The following FBXO11 variants were observed in gnomAD, a reference collection of about 807,000 sequenced individuals.
FBXO11 encodes the protein F-box only protein 11.
A neutral mutation model predicts 117.0 loss-of-function variants in FBXO11; 13 were observed. That is an observed-to-expected ratio of 0.11 (90% CI 0.07 to 0.18). The LOEUF is 0.18. Among genes scored for constraint, FBXO11 ranks in the 10% least tolerant of loss-of-function variants. The pLI, the probability that FBXO11 is intolerant of heterozygous loss-of-function variation, is 1.00. For missense variants in FBXO11, 767 were observed against 1,164.4 expected (o/e 0.66, Z 4.97); for synonymous variants, 490 against 380.5 (o/e 1.29, Z -3.35).
At chr2:47,874,867 CTT>C (rs377037169) in intron 1 of FBXO11, among the ~76,000 whole-genome samples, 31 of 128,846 alleles carry the variant, frequency 2.4e-4, no homozygotes, top group Middle Eastern at 4.1e-3. Context: ...TGTCTCAGGA[CTT>C]TTTTTTTTTT....
At chr2:47,814,953 G>A (rs986894365) in intron 16 of FBXO11, among the ~76,000 whole-genome samples, 3 of 152,134 alleles carry the variant, frequency 2.0e-5, no homozygotes, top group South Asian at 2.1e-4. Flanking sequence ...TTGCTCATCC[G>A]TAAGAAGCAA....
chr2:47,869,575 G>A (rs907860874), intron 1 of FBXO11, among the ~76,000 whole-genome samples: 7 of 152,226 alleles, frequency 4.6e-5, no homozygotes, highest in African/African-American at 1.7e-4. Context: ...CATCAGGAAT[G>A]AAGGTTTGGG....
intron 18 of FBXO11, chr2:47,811,672 C>T (rs1192759192): frequency 6.6e-6 from 1 of 152,204 alleles, no homozygotes; most frequent in Non-Finnish European, 1.5e-5. Flanking sequence ...ATATAACTTA[C>T]CTCAGTGAAA....
Position 47,818,445 on chromosome 2 carries a change from G to A in FBXO11, c.2006+334C>T, listed in dbSNP as rs1046887665. 23 of 208,390 alleles carry A rather than the reference G, an allele frequency of 1.1e-4. No homozygotes were observed. The Admixed American group carries it at 1.3e-3, about 11-fold the overall frequency. The allele number at this position is 208,390 out of a possible 1,614,324, so 12.9% of individuals were successfully genotyped here. ...AAACAGAAGCTTCATTTTATTGAGT[G>A]CCAATGATATGCCAGGCATAATGCA... On this transcript the variant is annotated intron_variant, in intron 16 of 22. Transcript: ENST00000403359.
intron 11 of FBXO11, among the ~76,000 whole-genome samples, chr2:47,827,551 C>T (rs940457740): frequency 6.6e-6 from 1 of 152,192 alleles, no homozygotes; most frequent in Admixed American, 6.5e-5. Flanking sequence ...AAGTGATCTG[C>T]TCGCCTCGGC....
At chr2:47,892,510 A>G (rs1385953290) in intron 1 of FBXO11, among the ~76,000 whole-genome samples, 1 of 152,226 alleles carries the variant, frequency 6.6e-6, no homozygotes, top group Non-Finnish European at 1.5e-5. Flanking sequence ...ATATTCAGCT[A>G]CAAGGTTCTC....
chr2:47,847,108 G>C (rs566019798), intron 1 of FBXO11, among the ~76,000 whole-genome samples: 202 of 152,254 alleles, frequency 1.3e-3, no homozygotes, highest in African/African-American at 4.8e-3. Context: ...AGCCAGGTGT[G>C]GTGGTGGACA....
At chr2:47,821,537 G>A (rs924944158) in intron 13 of FBXO11, among the ~76,000 whole-genome samples, 1 of 152,006 alleles carries the variant, frequency 6.6e-6, no homozygotes, top group African/African-American at 2.4e-5. Context: ...GTGAACCTGG[G>A]AGGTGGAGCT....
chr2:47,878,357 CTTT>C lies in FBXO11; in HGVS notation c.232+27129_232+27131del, dbSNP rs372609853. Among the ~76,000 whole-genome samples the C allele has an allele frequency of 5.5e-3, 825 of 148,854 alleles. 1 individual carries two copies. The highest frequency in any genetic ancestry group is 0.014 in the Middle Eastern group (4 of 284). ...TCTATTTAACACCTTGCCTTTTGTT[CTTT>C]TTTTTTTCTTTTTTTAAGACAGAGT... On this transcript the variant is annotated intron_variant, in intron 1 of 22. Transcript: ENST00000403359.
In FBXO11 at chr2:47,887,005, G is replaced by A. The variant is rs143404405; in HGVS notation, c.232+18484C>T. Among the ~76,000 whole-genome samples the A allele has an allele frequency of 1.8e-3, 270 of 152,182 alleles. 1 individual carries two copies. The highest frequency in any genetic ancestry group is 6.1e-3 in the African/African-American group (252 of 41,518). ...TCTAGTCTGGGTAAAAGAGCGACAG[G>A]GCAGACACCGTGGCTCATGCCTGTA... On this transcript the variant is annotated intron_variant, in intron 1 of 22. Transcript: ENST00000403359.
At chr2:47,856,672 C>T (rs923882592) in intron 1 of FBXO11, among the ~76,000 whole-genome samples, 2 of 152,186 alleles carry the variant, frequency 1.3e-5, no homozygotes, top group African/African-American at 4.8e-5. Context: ...ACATATTCAG[C>T]ACTATAGAGG....
Position 47,905,529 on chromosome 2 carries a change from A to AGGCGGC in FBXO11, c.186_191dup (p.Pro65_Pro66dup). The stretch of plus-strand genomic sequence containing the variant: ...TGTTCCGCTCCTGAGGCAGCGGCGG[A>AGGCGGC]GGCGGCGGTGGCGGCGGCGGAGGCT... On this transcript the variant is annotated inframe_insertion, in exon 1 of 23. Coordinates refer to ENST00000403359, the MANE Select transcript of FBXO11 (RefSeq NM_001190274.2). The AGGCGGC allele has an allele frequency of 8.1e-7, 1 of 1,235,352 alleles. No individual in the cohort carries two copies. Among genetic ancestry groups the AGGCGGC allele is most frequent in the Non-Finnish European group, 1.0e-6 (1 of 991,722 alleles). 76.5% of individuals were successfully genotyped at this position (1,235,352 alleles called of 1,614,324 possible).
chr2:47,867,249 T>C (rs1675265287), intron 1 of FBXO11, among the ~76,000 whole-genome samples: 3 of 152,258 alleles, frequency 2.0e-5, no homozygotes, highest in Admixed American at 6.5e-5. Flanking sequence ...TTGTTCACTT[T>C]ACATGTTTAT....
intron 4 of FBXO11, 150 bp from the exon 5 acceptor site, chr2:47,836,151 T>A (rs1470715983): frequency 3.7e-6 from 2 of 537,072 alleles, no homozygotes; most frequent in Non-Finnish European, 6.3e-6. Flanking sequence ...CAGGATTTTT[T>A]TTTTGAGACA....
chr2:47,895,633 C>T (rs1677600225), intron 1 of FBXO11, among the ~76,000 whole-genome samples: 1 of 152,202 alleles, frequency 6.6e-6, no homozygotes, highest in South Asian at 2.1e-4. Context: ...TGTGCACTTA[C>T]ATATTTCAAT....
intron 1 of FBXO11, among the ~76,000 whole-genome samples, chr2:47,844,665 G>A (rs561650381): frequency 1.3e-5 from 2 of 152,076 alleles, no homozygotes; most frequent in African/African-American, 4.8e-5. Context: ...TGTTCGTTTT[G>A]TTTTTGAGAC....
At chr2:47,814,015 T>G (rs956316980) in intron 16 of FBXO11, 148 bp from the exon 17 acceptor site, 1 of 604,190 alleles carries the variant, frequency 1.7e-6, no homozygotes, top group East Asian at 2.9e-5. Flanking sequence ...GAGAAGAAAG[T>G]GGTTTAATTT....
Position 47,808,214 on chromosome 2 carries a change from A to G in FBXO11, c.2688T>C (p.Ser896=). The change falls in exon 23 of 23, where the codon TCT becomes TCC. Residue 896 remains serine (S), a synonymous_variant. Transcript: ENST00000403359. ...GCTCACCAGCTAATGTACAAGGATT[A>G]GACAGTGTTCCAGCACCACAGTCAC... The part of the protein sequence containing the change: ...FFCDCGAGTL[S]NPCTLAGEPT... 1 of 1,613,490 alleles carries G rather than the reference A, an allele frequency of 6.2e-7. No homozygotes were observed. The highest frequency in any genetic ancestry group is 1.1e-5 in the South Asian group (1 of 91,082).
At chr2:47,820,205 G>C (rs542668769) in intron 14 of FBXO11, among the ~76,000 whole-genome samples, 157 bp downstream of exon 14, 1 of 152,170 alleles carries the variant, frequency 6.6e-6, no homozygotes, top group African/African-American at 2.4e-5. Flanking sequence ...GATACTGGCA[G>C]GGAGAAGAAG....
Sources: allele counts gnomAD v4.1 joint callset (sites outside exome capture counted in the v4.1 genomes callset), GRCh38; gene constraint gnomAD v4.1.1; transcripts MANE v1.5; gene names NCBI Gene and HGNC (gene_info 2026-07-23, HGNC 2026-07-21).